STRN: variants seen among roughly 807,000 people sequenced by gnomAD.
STRN encodes striatin.
STRN carries 53 observed loss-of-function variants against 96.3 expected under a neutral mutation model. The ratio of observed to expected loss-of-function variants is 0.55; its 90% confidence interval spans 0.44 to 0.69. The LOEUF (loss-of-function observed/expected upper bound fraction) is 0.69. Ranked by LOEUF, STRN falls within the 30% of genes least tolerant of loss-of-function variation. STRN has a pLI of 0.00. For missense variants in STRN, 987 were observed against 963.9 expected, an observed-to-expected ratio of 1.02 and a Z score of -0.32; for synonymous variants, 428 against 355.9, an observed-to-expected ratio of 1.20 and a Z score of -2.28.
chr2:36,893,620 T>A (rs560576995), intron 7 of STRN, among the ~76,000 whole-genome samples: 8 of 152,326 alleles, frequency 5.3e-5, no homozygotes, highest in Admixed American at 1.3e-4. Flanking sequence ...GATTTGCAAG[T>A]TCCACTGTCT....
chr2:36,964,180 C>CGA (rs1553408121), intron 1 of STRN, among the ~76,000 whole-genome samples: 5 of 74,700 alleles, frequency 6.7e-5, no homozygotes, highest in Admixed American at 1.1e-4. Flanking sequence ...GTGAACGGGG[C>CGA]GGGGCGGGGG....
At chr2:36,932,717 A>G (rs1311276184) in intron 1 of STRN, among the ~76,000 whole-genome samples, 2 of 152,154 alleles carry the variant, frequency 1.3e-5, no homozygotes, top group Non-Finnish European at 2.9e-5. Flanking sequence ...ATCCTTCTAG[A>G]TAACATTTTA....
intron 12 of STRN, chr2:36,867,307 G>A (rs1441531450): frequency 2.0e-5 from 3 of 151,926 alleles, no homozygotes; most frequent in African/African-American, 4.8e-5. Context: ...GGCCAACAGT[G>A]TAAAACCTTG....
At chr2:36,925,842 GT>G (rs1455679325) in intron 1 of STRN, among the ~76,000 whole-genome samples, 1 of 152,146 alleles carries the variant, frequency 6.6e-6, no homozygotes, top group African/African-American at 2.4e-5. Context: ...TTGCTAAAGT[GT>G]TTGTCTTTTT....
At chr2:36,891,094 T>C (rs751266780) in intron 7 of STRN, among the ~76,000 whole-genome samples, 1 of 152,234 alleles carries the variant, frequency 6.6e-6, no homozygotes, top group Non-Finnish European at 1.5e-5. Context: ...CAATGCGTAT[T>C]TTCTTTAAAT....
At position 36,841,935 on chromosome 2, in the gene STRN, T is replaced by C. The variant is rs1667962803; in HGVS notation, c.*7521A>G. The C allele has an allele frequency of 6.6e-6, 1 of 152,196 alleles. No homozygotes were observed. Among genetic ancestry groups the C allele is most frequent in the African/African-American group, 2.4e-5 (1 of 41,452 alleles). 9.4% of individuals were successfully genotyped at this position (152,196 alleles called of 1,614,324 possible). The stretch of plus-strand genomic sequence containing the variant: ...AATGTGGCTCAGGCCACAGGGTCAG[T>C]TGCTTCTCCTTTTTGGTAAGGTACT... On this transcript the variant is annotated 3_prime_UTR_variant, in exon 18 of 18. Coordinates refer to ENST00000263918, the MANE Select transcript of STRN (RefSeq NM_003162.4).
At position 36,840,599 on chromosome 2, in the gene STRN, T is replaced by C. The variant is rs560659723; in HGVS notation, c.*8857A>G. The stretch of plus-strand genomic sequence containing the variant: ...ATAATTTAGATTTTGAAATGGGCTC[T>C]CTGATTACTCAGCCAACAAATATTT... On this transcript the variant is annotated 3_prime_UTR_variant, in exon 18 of 18. Transcript: ENST00000263918. The C allele has an allele frequency of 6.6e-6, 1 of 152,026 alleles. No individual in the cohort carries two copies. The highest frequency in any genetic ancestry group is 6.6e-5 in the Admixed American group (1 of 15,252). 9.4% of individuals were successfully genotyped at this position (152,026 alleles called of 1,614,324 possible). A position where few individuals can be genotyped will look rare whatever the true frequency, so the allele number is the denominator to read the frequency against.
At chr2:36,865,214 G>A (rs900023702) in intron 12 of STRN, among the ~76,000 whole-genome samples, 1 of 152,194 alleles carries the variant, frequency 6.6e-6, no homozygotes, top group African/African-American at 2.4e-5. Flanking sequence ...TTGGGACGTT[G>A]TTTCCAGGAA....
intron 1 of STRN, 137 bp from the exon 2 acceptor site, chr2:36,925,345 A>T: frequency 3.2e-6 from 2 of 634,332 alleles, no homozygotes; most frequent in Non-Finnish European, 5.6e-6. Context: ...AAGTATGTAC[A>T]AATATAAAAA....
Position 36,899,606 on chromosome 2 carries a change from C to G in STRN, c.712G>C (p.Glu238Gln). The change falls in exon 6 of 18, where the codon GAA (glutamate) becomes CAA (glutamine). Residue 238 changes from glutamate (E) to glutamine (Q), a missense_variant. Transcript: ENST00000263918. Reference protein sequence around the residue: ...ASVLDNFKFLESAAADFSDED... With the variant: ...ASVLDNFKFLQSAAADFSDED... ...TCACTGAAATCTGCAGCTGCACTTT[C>G]AAGGAATTTGAAATTATCCAGCACG... 6.2e-7 allele frequency: 1 copy of G among 1,613,738 alleles called. No homozygotes were observed. Among genetic ancestry groups the G allele is most frequent in the Admixed American group, 1.7e-5 (1 of 59,892 alleles).
At chr2:36,862,983 A>G (rs998592080) in intron 12 of STRN, among the ~76,000 whole-genome samples, 2 of 152,138 alleles carry the variant, frequency 1.3e-5, no homozygotes, top group African/African-American at 4.8e-5. Flanking sequence ...TCGGCCTCCC[A>G]AAGTGCTGGG....
chr2:36,946,353 T>G (rs541714454), intron 1 of STRN, among the ~76,000 whole-genome samples: 1 of 152,180 alleles, frequency 6.6e-6, no homozygotes, highest in African/African-American at 2.4e-5. Context: ...AGCTTTCCCA[T>G]GTGTTGGAAA....
Position 36,847,532 on chromosome 2 carries a change from T to C in STRN, c.*1924A>G, listed in dbSNP as rs1668110314. On this transcript the variant is annotated 3_prime_UTR_variant, in exon 18 of 18. Transcript: ENST00000263918. Reference sequence around the variant, plus strand: ...TGCATGGAAATATTAAGTATTCACCTGACAGCTCATGTTTAGGTCAATTCA... The same window carrying C: ...TGCATGGAAATATTAAGTATTCACCCGACAGCTCATGTTTAGGTCAATTCA... 1 of 152,176 alleles carries C rather than the reference T, an allele frequency of 6.6e-6. No homozygotes were observed. Among genetic ancestry groups the C allele is most frequent in the Non-Finnish European group, 1.5e-5 (1 of 68,020 alleles). The allele number at this position is 152,176 out of a possible 1,614,324, so 9.4% of individuals were successfully genotyped here. A position where few individuals can be genotyped will look rare whatever the true frequency, so the allele number is the denominator to read the frequency against.
intron 9 of STRN, among the ~76,000 whole-genome samples, chr2:36,880,114 C>G (rs1572643654): frequency 6.6e-6 from 1 of 152,166 alleles, no homozygotes; most frequent in African/African-American, 2.4e-5. Flanking sequence ...ATTACAGGCA[C>G]CTGCCACCAT....
intron 12 of STRN, among the ~76,000 whole-genome samples, chr2:36,863,233 T>C (rs1294769644): frequency 6.6e-6 from 1 of 152,310 alleles, no homozygotes; most frequent in East Asian, 1.9e-4. Context: ...TTTGGTGTCT[T>C]CATCATGAAA....
chr2:36,934,906 C>T (rs1370945734), intron 1 of STRN, among the ~76,000 whole-genome samples: 4 of 152,100 alleles, frequency 2.6e-5, no homozygotes, highest in African/African-American at 9.7e-5. Context: ...GGTGAAACCC[C>T]GTCTCTACTG....
At chr2:36,876,772 G>A (rs2148162739) in intron 10 of STRN, among the ~76,000 whole-genome samples, 1 of 149,882 alleles carries the variant, frequency 6.7e-6, no homozygotes, top group African/African-American at 2.5e-5. Context: ...TTTTGAGGCG[G>A]AGTCTTGCTC....
At chr2:36,935,963 A>C (rs1419451708) in intron 1 of STRN, among the ~76,000 whole-genome samples, 2 of 152,146 alleles carry the variant, frequency 1.3e-5, no homozygotes, top group Non-Finnish European at 2.9e-5. Flanking sequence ...ATAAAACAAA[A>C]TAAATAAAAA....
At chr2:36,874,455 GAGAA>G (rs1316878959) in intron 10 of STRN, among the ~76,000 whole-genome samples, 3 of 152,014 alleles carry the variant, frequency 2.0e-5, no homozygotes, top group East Asian at 1.9e-4. Flanking sequence ...AAAAAGAGAA[GAGAA>G]AGAGAGAGGT....
Sources: allele counts gnomAD v4.1 joint callset (sites outside exome capture counted in the v4.1 genomes callset), GRCh38; gene constraint gnomAD v4.1.1; transcripts MANE v1.5; gene names NCBI Gene and HGNC (gene_info 2026-07-23, HGNC 2026-07-21).